Variants in AGPAT4 observed in about 807,000 individuals in gnomAD.
AGPAT4 encodes 1-acyl-sn-glycerol-3-phosphate acyltransferase delta.
In AGPAT4, 15 loss-of-function variants were observed where a neutral mutation model predicts 48.0. The observed-to-expected ratio is 0.31, with a 90% CI of 0.21 to 0.48. The LOEUF is 0.48. Ranked by LOEUF, AGPAT4 falls within the 20% of genes least tolerant of loss-of-function variation. AGPAT4 has a pLI of 0.99. For synonymous variants in AGPAT4, 178 were observed against 198.7 expected (o/e 0.90, Z 0.88); for missense variants, 314 against 482.5 (o/e 0.65, Z 3.27).
chr6:161,154,923 G>A lies in AGPAT4; in HGVS notation c.349-613C>T, dbSNP rs974248329. 2.1e-4 allele frequency among the ~76,000 whole-genome samples: 32 copies of A among 152,326 alleles called. No individual in the cohort carries two copies. The highest frequency in any genetic ancestry group is 7.0e-4 in the African/African-American group (29 of 41,570). On this transcript the variant is annotated intron_variant, in intron 3 of 8. Coordinates refer to ENST00000320285, the MANE Select transcript of AGPAT4 (RefSeq NM_020133.3). This position sits in a 1 kb window ranked among gnomAD's most constrained non-coding sequence, Gnocchi z 7.8. ...GCAGTTGAGGCAAACAGGAGTCTCC[G>A]CTCACAGAGCAGGCTGCGGAGCCCA...
chr6:161,268,978 C>T (rs995901993), intron 1 of AGPAT4, among the ~76,000 whole-genome samples: 1 of 152,174 alleles, frequency 6.6e-6, no homozygotes, highest in East Asian at 1.9e-4. Flanking sequence ...GGTTGAAACC[C>T]ACTTGTTTTT....
rs976967591 is a variant in AGPAT4, at chr6:161,201,270, G to T, written c.178+30766C>A. 2.0e-5 allele frequency among the ~76,000 whole-genome samples: 3 copies of T among 152,166 alleles called. No individual in the cohort carries two copies. The highest frequency in any genetic ancestry group is 4.4e-5 in the Non-Finnish European group (3 of 68,024). ...GGTTAAGAAGCCATTAATGAAAAAT[G>T]ACAATTTTCTCTGGGACTGGATTAA... On this transcript the variant is annotated intron_variant, in intron 2 of 8. Transcript: ENST00000320285. The surrounding 1 kb of genome is among the most constrained non-coding windows in gnomAD (Gnocchi z 6.0).
At chr6:161,174,653 G>C (rs1780378354) in intron 2 of AGPAT4, among the ~76,000 whole-genome samples, 1 of 152,090 alleles carries the variant, frequency 6.6e-6, no homozygotes, top group Non-Finnish European at 1.5e-5. Flanking sequence ...TCTCCTGCCT[G>C]ATTGCCCTGG....
At chr6:161,224,192 T>C (rs2115029808) in intron 2 of AGPAT4, among the ~76,000 whole-genome samples, 1 of 152,340 alleles carries the variant, frequency 6.6e-6, no homozygotes, top group South Asian at 2.1e-4. Flanking sequence ...TTGTTTGTTG[T>C]CCTATACATA....
rs930512477 is a variant in AGPAT4 at position 161,272,588 on chromosome 6, T to A, written c.-90+1350A>T. ...CTAAGTAGATAATAATTTTCTCATT[T>A]CATATTTTTTCTGAATAACAGTTTT... On this transcript the variant is annotated intron_variant, in intron 1 of 8. Transcript: ENST00000320285. This position sits in a 1 kb window ranked among gnomAD's most constrained non-coding sequence, Gnocchi z 4.2. 6.6e-6 allele frequency among the ~76,000 whole-genome samples: 1 copy of A among 152,162 alleles called. No homozygotes were observed. The highest frequency in any genetic ancestry group is 2.4e-5 in the African/African-American group (1 of 41,444).
rs775766962 is a variant in AGPAT4, at chr6:161,164,140, G to A, written c.348+2108C>T. On this transcript the variant is annotated intron_variant, in intron 3 of 8. Transcript: ENST00000320285. This position sits in a 1 kb window ranked among gnomAD's most constrained non-coding sequence, Gnocchi z 7.4. ...AGAGTTGTAAAGTGATCATGGATTC[G>A]GAAGCCTTTGGGAGCAAAACCCTAA... 2.0e-4 allele frequency among the ~76,000 whole-genome samples: 30 copies of A among 152,192 alleles called. No homozygotes were observed. Among genetic ancestry groups the A allele is most frequent in the Non-Finnish European group, 3.7e-4 (25 of 68,038 alleles).
chr6:161,164,009 G>C lies in AGPAT4; in HGVS notation c.348+2239C>G, dbSNP rs933176093. Among the ~76,000 whole-genome samples the C allele has an allele frequency of 3.3e-5, 5 of 152,294 alleles. No homozygotes were observed. The East Asian group carries it at 5.8e-4, about 18-fold the overall frequency. On this transcript the variant is annotated intron_variant, in intron 3 of 8. Coordinates refer to ENST00000320285, the MANE Select transcript of AGPAT4 (RefSeq NM_020133.3). This position sits in a 1 kb window ranked among gnomAD's most constrained non-coding sequence, Gnocchi z 7.4. ...AGTAATGAGTGAAGTCCTATAAATAGAATATCACCGATGAAATCAAGGGGA... is the reference window on the plus strand; with the variant it reads ...AGTAATGAGTGAAGTCCTATAAATACAATATCACCGATGAAATCAAGGGGA...
rs1782137605 is a variant in AGPAT4 at position 161,232,057 on chromosome 6, G to A, written c.157C>T (p.Leu53=). The A allele has an allele frequency of 1.2e-6, 2 of 1,614,138 alleles. No individual in the cohort carries two copies. The highest frequency in any genetic ancestry group is 8.5e-7 in the Non-Finnish European group (1 of 1,180,016). The change falls in exon 2 of 9, where the codon CTG becomes TTG. Residue 53 remains leucine, a synonymous_variant. Transcript: ENST00000320285. This position sits in a 1 kb window ranked among gnomAD's most constrained non-coding sequence, Gnocchi z 6.8. ...KQLFRKINCR[L]SYCISSQLVM... is the part of the protein sequence containing the mutation. ...TTACGGCTTGAGATGCAATAGGACAGTCTGCAGTTGATCTTCCGGAAGAGC... is the reference window on the plus strand; with the variant it reads ...TTACGGCTTGAGATGCAATAGGACAATCTGCAGTTGATCTTCCGGAAGAGC...
chr6:161,240,399 A>T lies in AGPAT4; in HGVS notation c.-89-8097T>A, dbSNP rs905368313. 1.3e-5 allele frequency among the ~76,000 whole-genome samples: 2 copies of T among 152,170 alleles called. No homozygotes were observed. Among genetic ancestry groups the T allele is most frequent in the African/African-American group, 4.8e-5 (2 of 41,452 alleles). On this transcript the variant is annotated intron_variant, in intron 1 of 8. Coordinates refer to ENST00000320285, the MANE Select transcript of AGPAT4 (RefSeq NM_020133.3). The surrounding 1 kb of genome is among the most constrained non-coding windows in gnomAD (Gnocchi z 5.5). ...AAGTCAAACACACGGCTGCCCTCCCAAGGCAAGCTTTTTCCTCTATGCCAC... is the reference window on the plus strand; with the variant it reads ...AAGTCAAACACACGGCTGCCCTCCCTAGGCAAGCTTTTTCCTCTATGCCAC...
intron 5 of AGPAT4, among the ~76,000 whole-genome samples, chr6:161,153,103 G>A (rs958257986): frequency 7.9e-5 from 12 of 152,192 alleles, no homozygotes; most frequent in Non-Finnish European, 1.5e-4. Flanking sequence ...ACAGCAGAGG[G>A]CAGCGCTGGC....
rs540860625 is a variant in AGPAT4, at chr6:161,221,814, C to T, written c.178+10222G>A. Among the ~76,000 whole-genome samples the T allele has an allele frequency of 2.0e-5, 3 of 152,298 alleles. No individual in the cohort carries two copies. The highest frequency in any genetic ancestry group is 2.1e-4 in the South Asian group (1 of 4,820). ...GGATATTGTCCTCGTATCTTCACAT[C>T]GTCTTCCTCTCTGCATGTCTTTCTC... On this transcript the variant is annotated intron_variant, in intron 2 of 8. Transcript: ENST00000320285. The surrounding 1 kb of genome is among the most constrained non-coding windows in gnomAD (Gnocchi z 4.5).
chr6:161,188,999 G>A (rs796102848), intron 2 of AGPAT4, among the ~76,000 whole-genome samples: 14 of 152,290 alleles, frequency 9.2e-5, no homozygotes, highest in African/African-American at 3.4e-4. Context: ...TTGCTTTGCT[G>A]GCCTCGTGCA....
Position 161,240,675 on chromosome 6 carries a change from A to G in AGPAT4, c.-89-8373T>C, listed in dbSNP as rs1277089749. Among the ~76,000 whole-genome samples the G allele has an allele frequency of 6.6e-6, 1 of 152,184 alleles. No individual in the cohort carries two copies. Among genetic ancestry groups the G allele is most frequent in the Non-Finnish European group, 1.5e-5 (1 of 68,030 alleles). ...GTGCCCACAGAGGAGAGGGGAGTGG[A>G]TACAGTCCCAGGAGAAAGGAGGGAG... On this transcript the variant is annotated intron_variant, in intron 1 of 8. Coordinates refer to ENST00000320285, the MANE Select transcript of AGPAT4 (RefSeq NM_020133.3). This position sits in a 1 kb window ranked among gnomAD's most constrained non-coding sequence, Gnocchi z 5.5.
At position 161,169,367 on chromosome 6, in the gene AGPAT4, G is replaced by T. The variant is rs997688097; in HGVS notation, c.179-2950C>A. On this transcript the variant is annotated intron_variant, in intron 2 of 8. Transcript: ENST00000320285. This position sits in a 1 kb window ranked among gnomAD's most constrained non-coding sequence, Gnocchi z 5.0. ...AGAGGGGATGGTGCTGGGACCAGGT[G>T]GGGGAAGACCAAATTTCCCACTCAC... is the stretch of plus-strand genomic sequence containing the variant. Among the ~76,000 whole-genome samples, 1 of 152,302 alleles carries T rather than the reference G, an allele frequency of 6.6e-6. No homozygotes were observed.
Position 161,165,930 on chromosome 6 carries a change from T to C in AGPAT4, c.348+318A>G. The C allele has an allele frequency of 5.0e-6, 3 of 603,920 alleles. No individual in the cohort carries two copies. Among genetic ancestry groups the C allele is most frequent in the Non-Finnish European group, 8.8e-6 (3 of 340,702 alleles). The allele number at this position is 603,920 out of a possible 1,614,324, so 37.4% of individuals were successfully genotyped here. ...CAGCTGTGTGACTCTGAGCCGAATA[T>C]TAAGCTCTATATAACTTAGTTTTTA... is the stretch of plus-strand genomic sequence containing the variant. On this transcript the variant is annotated intron_variant, in intron 3 of 8. Coordinates refer to ENST00000320285, the MANE Select transcript of AGPAT4 (RefSeq NM_020133.3). The surrounding 1 kb of genome is among the most constrained non-coding windows in gnomAD (Gnocchi z 5.5).
rs1779099204 is a variant in AGPAT4 at position 161,137,364 on chromosome 6, T to TC, written c.1043-731_1043-730insG. On this transcript the variant is annotated intron_variant, in intron 8 of 8. Transcript: ENST00000320285. This position sits in a 1 kb window ranked among gnomAD's most constrained non-coding sequence, Gnocchi z 6.1. ...AAAACAGTCCATTTATAATACATGC[T>TC]TAAGAATGGATAGACGAATAAGTGA... is the stretch of plus-strand genomic sequence containing the variant. Among the ~76,000 whole-genome samples, 1 of 152,206 alleles carries TC rather than the reference T, an allele frequency of 6.6e-6. No individual in the cohort carries two copies. Among genetic ancestry groups the TC allele is most frequent in the South Asian group, 2.1e-4 (1 of 4,828 alleles).
chr6:161,144,073 T>C lies in AGPAT4; in HGVS notation c.843+2451A>G. On this transcript the variant is annotated intron_variant, in intron 7 of 8. Coordinates refer to ENST00000320285, the MANE Select transcript of AGPAT4 (RefSeq NM_020133.3). The surrounding 1 kb of genome is among the most constrained non-coding windows in gnomAD (Gnocchi z 6.6). ...CCCAGATTTGGGGCACGTAAAGCTT[T>C]AGATCTAGGCTCCTAGCAAAATAGG... 1.9e-6 allele frequency: 1 copy of C among 517,278 alleles called. No individual in the cohort carries two copies. The allele number at this position is 517,278 out of a possible 1,614,324, so 32.0% of individuals were successfully genotyped here. A position where few individuals can be genotyped will look rare whatever the true frequency, so the allele number is the denominator to read the frequency against.
rs75309819 is a variant in AGPAT4 at position 161,262,775 on chromosome 6, G to A, written c.-90+11163C>T. Among the ~76,000 whole-genome samples, 23,363 of 152,040 alleles carry A rather than the reference G, an allele frequency of 0.15. 1,952 individuals are homozygous for A. The highest frequency in any genetic ancestry group is 0.18 in the Non-Finnish European group (12,365 of 67,960). On this transcript the variant is annotated intron_variant, in intron 1 of 8. Coordinates refer to ENST00000320285, the MANE Select transcript of AGPAT4 (RefSeq NM_020133.3). The surrounding 1 kb of genome is among the most constrained non-coding windows in gnomAD (Gnocchi z 4.9). ...GGACTTGAACTGGTACATTTCACAC[G>A]CCTCTTTTGTTTTGAGTTCAAAAGA...
At chr6:161,152,491 A>T (rs1779620536) in intron 5 of AGPAT4, among the ~76,000 whole-genome samples, 1 of 152,092 alleles carries the variant, frequency 6.6e-6, no homozygotes, top group African/African-American at 2.4e-5. Context: ...AGATTCACCA[A>T]CTCTGTTGCT....
Sources: allele counts gnomAD v4.1 joint callset (sites outside exome capture counted in the v4.1 genomes callset), GRCh38; gene constraint gnomAD v4.1.1; non-coding constraint Gnocchi (gnomAD v3.1); transcripts MANE v1.5; gene names NCBI Gene and HGNC (gene_info 2026-07-23, HGNC 2026-07-21).